The following ZNF107 variants were observed in gnomAD, a reference collection of about 807,000 sequenced individuals.
ZNF107 encodes the protein zinc finger protein 107.
A neutral mutation model predicts 12.3 loss-of-function variants in ZNF107; 19 were observed. The observed-to-expected ratio is 1.55, with a 90% confidence interval of 1.08 to 2.27. The LOEUF is 2.27. ZNF107 is among the 30% of genes most tolerant of loss of function. The pLI is 0.00. For missense variants in ZNF107, 958 were observed against 979.9 expected, an observed-to-expected ratio of 0.98 and a Z score of 0.30; for synonymous variants, 317 against 330.5, an observed-to-expected ratio of 0.96 and a Z score of 0.44.
chr7:64,703,123 G>A (rs9791622), intron 3 of ZNF107, among the ~76,000 whole-genome samples: 52,850 of 151,716 alleles, frequency 0.35, 9,698 homozygotes, highest in Non-Finnish European at 0.4. Flanking sequence ...ATATTTTTAT[G>A]TTATATATTT....
chr7:64,666,387 C>T, intron 1 of ZNF107, 102 bp downstream of exon 1: 6 of 1,495,018 alleles, frequency 4.0e-6, no homozygotes, highest in Non-Finnish European at 3.6e-6. Flanking sequence ...TCCGCGGCCC[C>T]AAGTTCTCCT....
chr7:64,700,445 A>G lies in ZNF107; in HGVS notation c.227-5879A>G, dbSNP rs1344433556. ...GTAAGCTTCCTGAGATCCTCACCAG[A>G]AGCAGATGCTGGCATGCACTTCTTG... is the stretch of plus-strand genomic sequence containing the variant. On this transcript the variant is annotated intron_variant, in intron 3 of 3. Coordinates refer to ENST00000620827, the MANE Select transcript of ZNF107 (RefSeq NM_001282359.2). Among the ~76,000 whole-genome samples, 4 of 151,140 alleles carry G rather than the reference A, an allele frequency of 2.6e-5. No homozygotes were observed. In the East Asian group the frequency reaches 7.8e-4, roughly 29 times the overall value.
Position 64,666,166 on chromosome 7 carries a change from TCTC to T in ZNF107, c.-110_-108del, listed in dbSNP as rs1788991385. 2.8e-6 allele frequency: 4 copies of T among 1,412,712 alleles called. No homozygotes were observed. The highest frequency in any genetic ancestry group is 2.3e-5 in the South Asian group (2 of 87,460). The allele number at this position is 1,412,712 out of a possible 1,614,324, so 87.5% of individuals were successfully genotyped here. A position where few individuals can be genotyped will look rare whatever the true frequency, so the allele number is the denominator to read the frequency against. ...CTCTGGCTGCAGCCGGAGCTCCTGCTCTCCTCCTCACTGCTCAGTGTCCTCTGC... is the reference window on the plus strand; with the variant it reads ...CTCTGGCTGCAGCCGGAGCTCCTGCTCTCCTCACTGCTCAGTGTCCTCTGC... On this transcript the variant is annotated 5_prime_UTR_variant, in exon 1 of 4. Transcript: ENST00000620827.
At chr7:64,688,538 A>G (rs1321392271) in intron 1 of ZNF107, among the ~76,000 whole-genome samples, 2 of 152,036 alleles carry the variant, frequency 1.3e-5, no homozygotes, top group African/African-American at 2.4e-5. Context: ...TGTTACAGGT[A>G]TGAGCCACCA....
At chr7:64,688,257 CTTT>C (rs36082192) in intron 1 of ZNF107, among the ~76,000 whole-genome samples, 6 of 133,304 alleles carry the variant, frequency 4.5e-5, no homozygotes, top group African/African-American at 5.6e-5. Flanking sequence ...CCTTCCTCCT[CTTT>C]TTTTTTTTTT....
Position 64,706,394 on chromosome 7 carries a change from A to T in ZNF107, c.297A>T (p.Thr99=), listed in dbSNP as rs780968217. 1 of 1,612,726 alleles carries T rather than the reference A, an allele frequency of 6.2e-7. No homozygotes were observed. The highest frequency in any genetic ancestry group is 8.5e-7 in the Non-Finnish European group (1 of 1,179,226). Residue 99 remains threonine (T), a synonymous_variant, in exon 4 of 4, where the codon ACA becomes ACT. Coordinates refer to ENST00000620827, the MANE Select transcript of ZNF107 (RefSeq NM_001282359.2). The part of the protein sequence containing the change: ...QNIKDSFQKV[T]LRRYGKCEYE... ...TAAAAGATTCTTTCCAGAAAGTGAC[A>T]CTGAGAAGATACGGAAAATGTGAAT...
At chr7:64,705,235 C>T (rs756240740) in intron 3 of ZNF107, among the ~76,000 whole-genome samples, 14 of 151,860 alleles carry the variant, frequency 9.2e-5, no homozygotes, top group Non-Finnish European at 1.6e-4. Context: ...TTATAAATAT[C>T]TTCGTGTGTA....
rs535732752 is a variant in ZNF107, at chr7:64,666,231, A to T, written c.-52A>T. 6.2e-7 allele frequency: 1 copy of T among 1,602,726 alleles called. No individual in the cohort carries two copies. The highest frequency in any genetic ancestry group is 8.5e-7 in the Non-Finnish European group (1 of 1,173,326). On this transcript the variant is annotated 5_prime_UTR_variant, in exon 1 of 4. Coordinates refer to ENST00000620827, the MANE Select transcript of ZNF107 (RefSeq NM_001282359.2). Reference sequence around the variant, plus strand: ...CAGCCTCTGTGTCCCTGTGACCTGCAGATATTGGGAGATCCACAGCTAAGA... The same window carrying T: ...CAGCCTCTGTGTCCCTGTGACCTGCTGATATTGGGAGATCCACAGCTAAGA...
At position 64,709,081 on chromosome 7, in the gene ZNF107, C is replaced by T. The variant is rs1206995205; in HGVS notation, c.*425C>T. 7 of 460,630 alleles carry T rather than the reference C, an allele frequency of 1.5e-5. No individual in the cohort carries two copies. In the Admixed American group the frequency reaches 1.8e-4, roughly 12 times the overall value. The allele number at this position is 460,630 out of a possible 1,614,324, so 28.5% of individuals were successfully genotyped here. On this transcript the variant is annotated 3_prime_UTR_variant, in exon 4 of 4. Transcript: ENST00000620827. The stretch of plus-strand genomic sequence containing the variant: ...GAATGTGGCAAAGCTTTTAACCAAT[C>T]CTCATACCTTACTATACAGAAATTC...
In ZNF107 at chr7:64,666,303, G is replaced by A. The variant is rs1022952821; in HGVS notation, c.3+18G>A. 6 of 1,608,438 alleles carry A rather than the reference G, an allele frequency of 3.7e-6. No individual in the cohort carries two copies. The Admixed American group carries it at 8.4e-5, about 22-fold the overall frequency. On this transcript the variant is annotated intron_variant, in intron 1 of 3. Transcript: ENST00000620827. ...TAGAAATGGTGAGAGTGCTGGGTCC[G>A]ACATCCCGAGAGAGGGGGAGGGGCT...
intron 3 of ZNF107, among the ~76,000 whole-genome samples, chr7:64,694,914 A>G (rs758033474): frequency 6.6e-6 from 1 of 152,162 alleles, no homozygotes; most frequent in African/African-American, 2.4e-5. Flanking sequence ...ATTTACTAAA[A>G]TAGTTACTTA....
intron 1 of ZNF107, among the ~76,000 whole-genome samples, chr7:64,688,404 G>A (rs1427231059): frequency 6.6e-6 from 1 of 151,776 alleles, no homozygotes; most frequent in African/African-American, 2.4e-5. Flanking sequence ...TTACAAGCAC[G>A]CACCAAGACG....
chr7:64,700,418 T>C (rs1267523623), intron 3 of ZNF107, among the ~76,000 whole-genome samples: 1 of 151,888 alleles, frequency 6.6e-6, no homozygotes, highest in Non-Finnish European at 1.5e-5. Context: ...TCCACCATGA[T>C]CGTAAGCTTC....
At chr7:64,671,009 C>G (rs2128955749) in intron 1 of ZNF107, among the ~76,000 whole-genome samples, 1 of 152,264 alleles carries the variant, frequency 6.6e-6, no homozygotes, top group African/African-American at 2.4e-5. Context: ...GGTCAGAATT[C>G]AAATGTTAAA....
intron 1 of ZNF107, among the ~76,000 whole-genome samples, chr7:64,679,786 C>G (rs1370384835): frequency 6.6e-6 from 1 of 152,174 alleles, no homozygotes; most frequent in Admixed American, 6.5e-5. Context: ...ATGGCACTTT[C>G]AATTTCTCTA....
At chr7:64,684,554 C>T (rs866155242) in intron 1 of ZNF107, 113 of 983,970 alleles carry the variant, frequency 1.1e-4, no homozygotes, top group Admixed American at 7.4e-4. Flanking sequence ...TCTTGGAAGT[C>T]GCAAGTACTC....
chr7:64,708,177 A>T lies in ZNF107; in HGVS notation c.2080A>T (p.Ile694Leu), dbSNP rs149910078. The part of the protein sequence containing the change: ...KAYNRFSNLT[I>L]HKRIHTGEKP... Reference sequence around the variant, plus strand: ...TTATAACCGATTCTCAAACCTAACTATACATAAGAGAATTCATACGGGAGA... The same window carrying T: ...TTATAACCGATTCTCAAACCTAACTTTACATAAGAGAATTCATACGGGAGA... The change falls in exon 4 of 4, where the codon ATA becomes TTA. Residue 694 changes from isoleucine to leucine, a missense_variant. By Grantham distance (5) the Ile-to-Leu change is conservative. Transcript: ENST00000620827. The T allele has an allele frequency of 1.2e-6, 2 of 1,611,974 alleles. No individual in the cohort carries two copies. Among genetic ancestry groups the T allele is most frequent in the Admixed American group, 1.7e-5 (1 of 59,580 alleles).
chr7:64,675,525 T>C (rs947406629), intron 1 of ZNF107, among the ~76,000 whole-genome samples: 3 of 152,136 alleles, frequency 2.0e-5, no homozygotes, highest in African/African-American at 7.2e-5. Flanking sequence ...ATTTAACTTA[T>C]TAATTTTTTC....
At position 64,706,452 on chromosome 7, in the gene ZNF107, CAT is replaced by C. The variant is rs755876572; in HGVS notation, c.356_357del (p.His119ArgfsTer3). ...TTTACAGTTAAGAAAAGGCTGTAAA[CAT>C]GTGGATGAGTGTACGGGGCACAAAG... ...ENLQLRKGCK[H>X]VDECTGHKGG... On this transcript the variant is annotated frameshift_variant, in exon 4 of 4. Coordinates refer to ENST00000620827, the MANE Select transcript of ZNF107 (RefSeq NM_001282359.2). LOFTEE classifies it low-confidence loss of function (END_TRUNC). 2 of 1,613,358 alleles carry C rather than the reference CAT, an allele frequency of 1.2e-6. No homozygotes were observed. Among genetic ancestry groups the C allele is most frequent in the African/African-American group, 1.3e-5 (1 of 74,862 alleles).
Sources: allele counts gnomAD v4.1 joint callset (sites outside exome capture counted in the v4.1 genomes callset), GRCh38; gene constraint gnomAD v4.1.1; transcripts MANE v1.5; gene names NCBI Gene and HGNC (gene_info 2026-07-23, HGNC 2026-07-21).